Variants in CSMD1 observed in about 807,000 individuals in gnomAD.
CSMD1 encodes CUB and sushi domain-containing protein 1.
Under a neutral mutation model 417.5 loss-of-function variants are expected in CSMD1, and 213 were observed. The observed-to-expected ratio is 0.51, with a 90% CI of 0.46 to 0.57. The LOEUF (loss-of-function observed/expected upper bound fraction) is 0.57, where lower values mean the gene tolerates loss of function less well. CSMD1 is among the 20% of genes least tolerant of loss of function. CSMD1 has a pLI of 0.00. For missense variants in CSMD1, 6,923 were observed against 4,529.7 expected (o/e 1.53, Z -15.17); for synonymous variants, 2,862 against 1,736.8 (o/e 1.65, Z -16.11).
In CSMD1 at chr8:3,520,270, C is replaced by T. The variant is rs1407248511; in HGVS notation, c.1345-26544G>A. On this transcript the variant is annotated intron_variant, in intron 10 of 69. Transcript: ENST00000635120. ...GCCAGAGAGGAAGCACCATACCAAA[C>T]TTGAAGTTTCAACCTCCTCTATTCC... Among the ~76,000 whole-genome samples, 7 of 152,174 alleles carry T rather than the reference C, an allele frequency of 4.6e-5. No individual in the cohort carries two copies. The East Asian group carries it at 1.4e-3, about 29-fold the overall frequency.
chr8:3,119,250 C>CATAA (rs771543565), intron 41 of CSMD1, among the ~76,000 whole-genome samples: 10,144 of 151,852 alleles, frequency 0.067, 655 homozygotes, highest in East Asian at 0.38. Flanking sequence ...GAACATATAC[C>CATAA]TAATAATTCC....
chr8:3,186,698 G>C (rs1024981047), intron 36 of CSMD1, among the ~76,000 whole-genome samples: 1 of 152,100 alleles, frequency 6.6e-6, no homozygotes, highest in Non-Finnish European at 1.5e-5. Context: ...ATATATTCCA[G>C]CCTCCCTTTG....
At chr8:4,540,719 A>C (rs542108441) in intron 2 of CSMD1, among the ~76,000 whole-genome samples, 1 of 152,170 alleles carries the variant, frequency 6.6e-6, no homozygotes, top group Non-Finnish European at 1.5e-5. Flanking sequence ...GATGCTTACC[A>C]AGTGTCTAAG....
chr8:4,692,742 C>G (rs538709773), intron 1 of CSMD1, among the ~76,000 whole-genome samples: 1 of 152,334 alleles, frequency 6.6e-6, no homozygotes, highest in East Asian at 1.9e-4. Context: ...TCAGGATGAT[C>G]TCACATCATG....
At chr8:3,557,032 G>A (rs1238663810) in intron 10 of CSMD1, among the ~76,000 whole-genome samples, 1 of 152,200 alleles carries the variant, frequency 6.6e-6, no homozygotes, top group Non-Finnish European at 1.5e-5. Context: ...GGTGGAAACT[G>A]CAGGGTAATG....
chr8:3,350,250 TATA>T (rs1477058456), intron 21 of CSMD1, among the ~76,000 whole-genome samples: 11 of 138,666 alleles, frequency 7.9e-5, no homozygotes, highest in African/African-American at 2.3e-4. Context: ...ATGTGTGTGT[TATA>T]ATACCTATAA....
chr8:3,639,853 T>C (rs1434068189), intron 7 of CSMD1, among the ~76,000 whole-genome samples: 1 of 152,256 alleles, frequency 6.6e-6, no homozygotes, highest in African/African-American at 2.4e-5. Context: ...ATTTATTTTA[T>C]CAGCTGGAAA....
chr8:3,987,769 C>G (rs1814443257), intron 5 of CSMD1, among the ~76,000 whole-genome samples: 1 of 152,148 alleles, frequency 6.6e-6, no homozygotes, highest in Non-Finnish European at 1.5e-5. Flanking sequence ...GGACTCAGGC[C>G]AAAGCAGGCT....
chr8:4,947,710 G>C (rs1563840554), intron 1 of CSMD1, among the ~76,000 whole-genome samples: 1 of 151,942 alleles, frequency 6.6e-6, no homozygotes, highest in Non-Finnish European at 1.5e-5. Context: ...AATATATTTT[G>C]TCTAAAGTTT....
chr8:3,396,286 G>T lies in CSMD1; in HGVS notation c.2501C>A (p.Pro834His). The T allele has an allele frequency of 6.2e-7, 1 of 1,601,670 alleles. No homozygotes were observed. Among genetic ancestry groups the T allele is most frequent in the Non-Finnish European group, 8.5e-7 (1 of 1,173,996 alleles). The change falls in exon 17 of 70, where the codon CCC becomes CAC. Residue 834 changes from proline (P) to histidine (H), a missense_variant. Physicochemically the swap from Pro to His is moderately conservative, Grantham distance 77 (BLOSUM62 -2). Coordinates refer to ENST00000635120, the MANE Select transcript of CSMD1 (RefSeq NM_033225.6). ...LIGEYHGTQAPQFLISTGNFM... is the reference protein window; with the variant it reads ...LIGEYHGTQAHQFLISTGNFM... ...GTTCCCGGTGCTGATGAGGAACTGG[G>T]GTGCCTGGGTGCCGTGGTACTCGCC...
At chr8:3,589,197 A>G (rs976328620) in intron 8 of CSMD1, among the ~76,000 whole-genome samples, 4 of 152,206 alleles carry the variant, frequency 2.6e-5, no homozygotes, top group African/African-American at 9.6e-5. Flanking sequence ...TGAAAAAATT[A>G]AAAATAGAAC....
chr8:3,265,944 T>G (rs11136593), intron 26 of CSMD1, among the ~76,000 whole-genome samples: 40,970 of 151,534 alleles, frequency 0.27, 5,705 homozygotes, highest in African/African-American at 0.33. Context: ...GGGAAAGGGG[T>G]CCAGTTTTGG....
intron 3 of CSMD1, among the ~76,000 whole-genome samples, chr8:4,377,005 A>G (rs570345479): frequency 6.6e-6 from 1 of 152,334 alleles, no homozygotes; most frequent in Admixed American, 6.5e-5. Context: ...GCCCCGGGAC[A>G]CAGGTACAGT....
intron 1 of CSMD1, among the ~76,000 whole-genome samples, chr8:4,672,545 A>T (rs1274663170): frequency 6.6e-6 from 1 of 152,236 alleles, no homozygotes; most frequent in African/African-American, 2.4e-5. Context: ...CTATAATGTA[A>T]ACAACCAATC....
chr8:4,444,225 C>T (rs147211332), intron 2 of CSMD1, among the ~76,000 whole-genome samples: 125 of 151,630 alleles, frequency 8.2e-4, no homozygotes, highest in African/African-American at 2.9e-3. Flanking sequence ...ACCTGTGATC[C>T]CAACTACTCG....
intron 10 of CSMD1, among the ~76,000 whole-genome samples, chr8:3,558,376 AGT>A (rs1563152274): frequency 3.6e-5 from 5 of 139,004 alleles, no homozygotes; most frequent in Non-Finnish European, 7.9e-5. Flanking sequence ...ATGGTGCCTC[AGT>A]AGTACCCCGT....
In CSMD1 at chr8:3,387,648, C is replaced by A. The variant is rs751635214; in HGVS notation, c.2628G>T (p.Pro876=). Residue 876 remains proline, a synonymous_variant, in exon 18 of 70, where the codon CCG becomes CCT. Coordinates refer to ENST00000635120, the MANE Select transcript of CSMD1 (RefSeq NM_033225.6). ...VTLESDSCLD[P]GIPVNGHRHG... ...GGCGATGGCCGTTCACAGGGATGCC[C>A]GGGTCCAGGCAGGAATCCGACTCAA... is the stretch of plus-strand genomic sequence containing the variant. The A allele has an allele frequency of 1.3e-6, 2 of 1,599,988 alleles. No homozygotes were observed. The highest frequency in any genetic ancestry group is 2.3e-5 in the East Asian group (1 of 44,118).
chr8:3,316,435 C>CTT (rs1295973557), intron 23 of CSMD1, among the ~76,000 whole-genome samples: 1 of 152,050 alleles, frequency 6.6e-6, no homozygotes, highest in African/African-American at 2.4e-5. Context: ...GAAATAAATA[C>CTT]TTATAAAACA....
At chr8:4,129,785 T>C (rs943466789) in intron 3 of CSMD1, among the ~76,000 whole-genome samples, 1 of 152,176 alleles carries the variant, frequency 6.6e-6, no homozygotes, top group Admixed American at 6.5e-5. Flanking sequence ...AATTTAATTT[T>C]CTCCATTTGT....
Sources: allele counts gnomAD v4.1 joint callset (sites outside exome capture counted in the v4.1 genomes callset), GRCh38; gene constraint gnomAD v4.1.1; transcripts MANE v1.5; gene names NCBI Gene and HGNC (gene_info 2026-07-23, HGNC 2026-07-21).